Variants in SLC39A11 observed in about 807,000 individuals in gnomAD.
SLC39A11 encodes solute carrier family 39 member 11, also known as zinc transporter ZIP11.
SLC39A11 carries 33 observed loss-of-function variants against 36.1 expected under a neutral mutation model. The ratio of observed to expected loss-of-function variants is 0.91; its 90% confidence interval spans 0.69 to 1.22. The LOEUF is 1.22. SLC39A11 is among the 50% of genes most tolerant of loss of function. SLC39A11 has a pLI of 0.00. For missense variants in SLC39A11, 432 were observed against 430.3 expected (o/e 1.00, Z -0.03); for synonymous variants, 166 against 170.3 (o/e 0.97, Z 0.20).
At chr17:72,818,322 G>A (rs1224657909) in intron 6 of SLC39A11, among the ~76,000 whole-genome samples, 1 of 152,198 alleles carries the variant, frequency 6.6e-6, no homozygotes, top group East Asian at 1.9e-4. Context: ...GCCCCAGGCT[G>A]TGGCAGTCTC....
rs560129565 is a variant in SLC39A11 at position 72,737,162 on chromosome 17, G to C, written c.602-443C>G. Reference sequence around the variant, plus strand: ...GTGATGGTGCACACCTGTAATCCCAGCGACTCGAGAGGCTGAGGCAGGAGA... The same window carrying C: ...GTGATGGTGCACACCTGTAATCCCACCGACTCGAGAGGCTGAGGCAGGAGA... On this transcript the variant is annotated intron_variant, in intron 6 of 9. Coordinates refer to ENST00000255559, the MANE Select transcript of SLC39A11 (RefSeq NM_139177.4). Among the ~76,000 whole-genome samples the C allele has an allele frequency of 1.9e-4, 29 of 152,186 alleles. No homozygotes were observed. The South Asian group carries it at 5.0e-3, about 26-fold the overall frequency.
intron 4 of SLC39A11, among the ~76,000 whole-genome samples, chr17:72,980,707 A>C (rs2088234284): frequency 6.6e-6 from 1 of 152,192 alleles, no homozygotes; most frequent in African/African-American, 2.4e-5. Context: ...AGCTGAAAAG[A>C]TTAAAGCGGC....
At chr17:72,687,704 G>GGA (rs2071824556) in intron 7 of SLC39A11, among the ~76,000 whole-genome samples, 1 of 152,202 alleles carries the variant, frequency 6.6e-6, no homozygotes, top group Non-Finnish European at 1.5e-5. Context: ...CATGGAGTAG[G>GGA]GAAGGTCCAT....
At chr17:72,849,567 G>C in intron 6 of SLC39A11, 67 bp downstream of exon 6, 3 of 1,375,832 alleles carry the variant, frequency 2.2e-6, no homozygotes, top group South Asian at 2.0e-5. Context: ...TTTCCAGCCA[G>C]ACAACTGTGC....
intron 7 of SLC39A11, among the ~76,000 whole-genome samples, chr17:72,657,489 C>T (rs1303164175): frequency 6.6e-6 from 1 of 152,206 alleles, no homozygotes; most frequent in Non-Finnish European, 1.5e-5. Context: ...TGACTTTGGG[C>T]AGGAGTGAGT....
intron 5 of SLC39A11, among the ~76,000 whole-genome samples, chr17:72,912,378 C>T (rs1186784459): frequency 1.3e-5 from 2 of 151,916 alleles, no homozygotes; most frequent in African/African-American, 4.8e-5. Flanking sequence ...AAGGTGGTGC[C>T]CCAAGTCAGA....
At chr17:72,871,694 G>A (rs918549111) in intron 5 of SLC39A11, among the ~76,000 whole-genome samples, 3 of 152,150 alleles carry the variant, frequency 2.0e-5, no homozygotes, top group African/African-American at 7.2e-5. Context: ...CTTGTCCTGT[G>A]TGTCTCTTCT....
At position 72,948,078 on chromosome 17, in the gene SLC39A11, T is replaced by C. The variant is rs189998037; in HGVS notation, c.307-203A>G. Reference sequence around the variant, plus strand: ...TTTCCAGGTATAGGACTTTAGTGGTTACAAAAAAGAAAAAAACAACACGAT... The same window carrying C: ...TTTCCAGGTATAGGACTTTAGTGGTCACAAAAAAGAAAAAAACAACACGAT... On this transcript the variant is annotated intron_variant, in intron 4 of 9. Transcript: ENST00000255559. Among the ~76,000 whole-genome samples the C allele has an allele frequency of 1.0e-3, 155 of 152,116 alleles. 2 individuals are homozygous for C. The East Asian group carries it at 0.022, about 22-fold the overall frequency.
chr17:72,865,913 A>C (rs1435446011), intron 5 of SLC39A11, among the ~76,000 whole-genome samples: 3 of 152,234 alleles, frequency 2.0e-5, no homozygotes, highest in Non-Finnish European at 2.9e-5. Flanking sequence ...TCAACAGACA[A>C]ATTAGATAGT....
intron 5 of SLC39A11, among the ~76,000 whole-genome samples, chr17:72,880,452 G>T (rs969248471): frequency 6.6e-6 from 1 of 152,082 alleles, no homozygotes; most frequent in African/African-American, 2.4e-5. Flanking sequence ...CATGCCTGTG[G>T]TCACAGCTAC....
At chr17:72,713,622 C>T (rs891006061) in intron 7 of SLC39A11, among the ~76,000 whole-genome samples, 21 of 152,110 alleles carry the variant, frequency 1.4e-4, no homozygotes, top group Admixed American at 2.0e-4. Flanking sequence ...ACTAGCTGTA[C>T]ACATAAAAAA....
chr17:72,703,039 G>A (rs1489520445), intron 7 of SLC39A11, among the ~76,000 whole-genome samples: 1 of 151,446 alleles, frequency 6.6e-6, no homozygotes, highest in Non-Finnish European at 1.5e-5. Flanking sequence ...TGGGCTGCCT[G>A]ATCTCCTAAG....
intron 5 of SLC39A11, among the ~76,000 whole-genome samples, chr17:72,851,959 T>C (rs915934342): frequency 2.0e-5 from 3 of 151,950 alleles, no homozygotes; most frequent in Non-Finnish European, 4.4e-5. Context: ...TCCCAGCACT[T>C]TGGGAGGCCG....
chr17:72,656,378 C>T (rs760738364), intron 7 of SLC39A11, among the ~76,000 whole-genome samples: 6 of 152,056 alleles, frequency 3.9e-5, no homozygotes, highest in East Asian at 1.9e-4. Context: ...TTGTCCCTTC[C>T]GTGACAAGCC....
intron 6 of SLC39A11, among the ~76,000 whole-genome samples, chr17:72,813,190 T>C (rs188909612): frequency 1.1e-3 from 170 of 152,354 alleles, no homozygotes; most frequent in African/African-American, 4.0e-3. Context: ...CCTTATACTT[T>C]TGAAAAACTT....
chr17:72,837,360 CAA>C (rs34639176), intron 6 of SLC39A11, among the ~76,000 whole-genome samples: 6,615 of 90,926 alleles, frequency 0.073, 129 homozygotes, highest in Middle Eastern at 0.13. Context: ...GTATATTGCT[CAA>C]AAAAAAAAAA....
chr17:72,849,457 G>C (rs2079196267), intron 6 of SLC39A11, 177 bp downstream of exon 6: 1 of 481,716 alleles, frequency 2.1e-6, no homozygotes, highest in Non-Finnish European at 3.4e-6. Flanking sequence ...CACATATGAT[G>C]ATCTATCTAT....
At chr17:72,713,029 G>A (rs750889166) in intron 7 of SLC39A11, 6 of 152,208 alleles carry the variant, frequency 3.9e-5, no homozygotes, top group Non-Finnish European at 8.8e-5. Context: ...AAGGAAGGAT[G>A]GATTAGCAGC....
chr17:73,088,534 A>T, intron 2 of SLC39A11, 123 bp downstream of exon 2: 1 of 715,498 alleles, frequency 1.4e-6, no homozygotes, highest in South Asian at 1.6e-5. Flanking sequence ...ACCCCAGTAC[A>T]CAATGCCTGG....
Sources: allele counts gnomAD v4.1 joint callset (sites outside exome capture counted in the v4.1 genomes callset), GRCh38; gene constraint gnomAD v4.1.1; transcripts MANE v1.5; gene names NCBI Gene and HGNC (gene_info 2026-07-23, HGNC 2026-07-21).